Variants in NTNG1 observed in about 807,000 individuals in gnomAD.
The protein encoded by NTNG1 is netrin G1.
NTNG1 carries 16 observed loss-of-function variants against 54.0 expected under a neutral mutation model. The observed-to-expected ratio is 0.30, with a 90% confidence interval of 0.20 to 0.45. NTNG1 has a LOEUF of 0.45. Among genes scored for constraint, NTNG1 ranks in the 20% least tolerant of loss-of-function variants. NTNG1 has a pLI of 1.00. For missense variants in NTNG1, 530 were observed against 678.7 expected (o/e 0.78, Z 2.43); for synonymous variants, 255 against 263.1 (o/e 0.97, Z 0.30).
At chr1:107,297,144 T>C (rs532818324) in intron 2 of NTNG1, among the ~76,000 whole-genome samples, 1 of 142,018 alleles carries the variant, frequency 7.0e-6, no homozygotes, top group African/African-American at 2.7e-5. Flanking sequence ...TATAACATCA[T>C]ATATATATAT....
chr1:107,395,343 G>C lies in NTNG1; in HGVS notation c.1060+17G>C. The C allele has an allele frequency of 6.2e-7, 1 of 1,606,642 alleles. No individual in the cohort carries two copies. The highest frequency in any genetic ancestry group is 8.5e-7 in the Non-Finnish European group (1 of 1,173,566). On this transcript the variant is annotated intron_variant, in intron 4 of 7. Coordinates refer to ENST00000370068, the MANE Select transcript of NTNG1 (RefSeq NM_001113226.3). ...CAAATACCTGTGAGTAACTTTGCTT[G>C]GTAACAGCATATTCTGTGCACCATG...
At chr1:107,241,428 C>T (rs1661819784) in intron 2 of NTNG1, among the ~76,000 whole-genome samples, 1 of 152,134 alleles carries the variant, frequency 6.6e-6, no homozygotes. Context: ...AAAAAAATTG[C>T]CTTCAGTTAA....
At chr1:107,205,435 C>T (rs752800085) in intron 2 of NTNG1, among the ~76,000 whole-genome samples, 2 of 152,120 alleles carry the variant, frequency 1.3e-5, no homozygotes, top group Admixed American at 1.3e-4. Flanking sequence ...CTTGCCTGTC[C>T]GAGCTCAAGC....
intron 2 of NTNG1, among the ~76,000 whole-genome samples, chr1:107,306,749 G>A (rs529975868): frequency 2.3e-4 from 31 of 133,416 alleles, no homozygotes; most frequent in African/African-American, 6.7e-4. Context: ...AGACTCCATC[G>A]CAAAAAAAAA....
intron 2 of NTNG1, among the ~76,000 whole-genome samples, chr1:107,281,516 C>T (rs201342887): frequency 2.6e-5 from 4 of 152,012 alleles, no homozygotes; most frequent in East Asian, 3.9e-4. Flanking sequence ...TAAGAGTTGT[C>T]GAATTTTCAT....
At chr1:107,183,905 C>A (rs1410187238) in intron 2 of NTNG1, among the ~76,000 whole-genome samples, 2 of 152,022 alleles carry the variant, frequency 1.3e-5, no homozygotes, top group East Asian at 3.9e-4. Flanking sequence ...CTATGTGATC[C>A]CCCTCCCTTT....
intron 3 of NTNG1, among the ~76,000 whole-genome samples, chr1:107,353,050 A>T (rs558935457): frequency 5.3e-4 from 81 of 152,362 alleles, no homozygotes; most frequent in Admixed American, 9.8e-4. Context: ...AGTCTCTGAA[A>T]TGCCTTCAAG....
At chr1:107,365,393 G>A (rs906453596) in intron 3 of NTNG1, among the ~76,000 whole-genome samples, 2 of 152,096 alleles carry the variant, frequency 1.3e-5, no homozygotes, top group African/African-American at 4.8e-5. Flanking sequence ...CTGATGGTAC[G>A]CATTAATCTT....
At chr1:107,198,933 G>C (rs1293010226) in intron 2 of NTNG1, among the ~76,000 whole-genome samples, 1 of 151,764 alleles carries the variant, frequency 6.6e-6, no homozygotes, top group Non-Finnish European at 1.5e-5. Context: ...AAAGATATTA[G>C]GAATGAGACA....
chr1:107,261,707 G>A (rs4914943), intron 2 of NTNG1, among the ~76,000 whole-genome samples: 126,696 of 150,254 alleles, frequency 0.84, 57,264 homozygotes, highest in Non-Finnish European at 1. Flanking sequence ...GCCGGGCGTG[G>A]TGGCGGGTGC....
chr1:107,453,964 C>A (rs2101500658), intron 7 of NTNG1, among the ~76,000 whole-genome samples: 1 of 152,170 alleles, frequency 6.6e-6, no homozygotes, highest in East Asian at 1.9e-4. Flanking sequence ...TGACTCCTTG[C>A]CCCACATGCC....
chr1:107,476,109 C>T (rs1678307639), intron 7 of NTNG1, among the ~76,000 whole-genome samples: 1 of 152,212 alleles, frequency 6.6e-6, no homozygotes, highest in Admixed American at 6.5e-5. Flanking sequence ...TACTGTCACA[C>T]TTTTCCAGTT....
At position 107,186,301 on chromosome 1, in the gene NTNG1, G is replaced by C. The variant is rs115911374; in HGVS notation, c.246+37462G>C. 4.3e-3 allele frequency among the ~76,000 whole-genome samples: 652 copies of C among 152,236 alleles called. 2 individuals are homozygous for C. The highest frequency in any genetic ancestry group is 0.01 in the Middle Eastern group (3 of 294). Reference sequence around the variant, plus strand: ...ATCTCTCATCTGAATTATGGTATTAGACTCTTATTTGATCTTTCTGTGTCT... The same window carrying C: ...ATCTCTCATCTGAATTATGGTATTACACTCTTATTTGATCTTTCTGTGTCT... On this transcript the variant is annotated intron_variant, in intron 2 of 7. Coordinates refer to ENST00000370068, the MANE Select transcript of NTNG1 (RefSeq NM_001113226.3).
chr1:107,265,808 C>A (rs938083942), intron 2 of NTNG1, among the ~76,000 whole-genome samples: 1 of 152,120 alleles, frequency 6.6e-6, no homozygotes, highest in Non-Finnish European at 1.5e-5. Context: ...TAAAGCAGAG[C>A]TATGAATGCA....
chr1:107,333,562 T>C (rs1372846823), intron 3 of NTNG1, among the ~76,000 whole-genome samples: 3 of 152,022 alleles, frequency 2.0e-5, no homozygotes, highest in Non-Finnish European at 4.4e-5. Context: ...CATAAACGAC[T>C]AGTATTCGCA....
At chr1:107,426,332 T>C (rs777533021) in intron 5 of NTNG1, among the ~76,000 whole-genome samples, 4 of 152,078 alleles carry the variant, frequency 2.6e-5, no homozygotes, top group Non-Finnish European at 5.9e-5. Context: ...TAATCCATCT[T>C]GAGTTAATAT....
chr1:107,419,693 T>G (rs990392131), intron 5 of NTNG1, among the ~76,000 whole-genome samples: 3 of 149,658 alleles, frequency 2.0e-5, no homozygotes, highest in African/African-American at 7.3e-5. Flanking sequence ...CCTTTTAAAC[T>G]CTAATGAATA....
At chr1:107,361,860 T>G (rs899019376) in intron 3 of NTNG1, among the ~76,000 whole-genome samples, 5 of 152,174 alleles carry the variant, frequency 3.3e-5, no homozygotes, top group African/African-American at 1.2e-4. Context: ...TGAGGATCAC[T>G]TCATAATTGT....
intron 2 of NTNG1, among the ~76,000 whole-genome samples, chr1:107,254,073 A>G (rs1662781298): frequency 1.3e-5 from 2 of 152,178 alleles, no homozygotes; most frequent in African/African-American, 4.8e-5. Flanking sequence ...TGTGGGGAAA[A>G]TATCTTTTAG....
Sources: allele counts gnomAD v4.1 joint callset (sites outside exome capture counted in the v4.1 genomes callset), GRCh38; gene constraint gnomAD v4.1.1; transcripts MANE v1.5; gene names NCBI Gene and HGNC (gene_info 2026-07-23, HGNC 2026-07-21).